TRAF5: variants seen among roughly 807,000 people sequenced by gnomAD.
TRAF5 encodes TNF receptor-associated factor 5.
TRAF5 carries 48 observed loss-of-function variants against 64.5 expected under a neutral mutation model. That is an observed-to-expected ratio of 0.74 (90% CI 0.59 to 0.95). The LOEUF (loss-of-function observed/expected upper bound fraction) is 0.95, where lower values mean the gene tolerates loss of function less well. TRAF5 is among the 40% of genes least tolerant of loss of function. TRAF5 has a pLI of 0.00. For missense variants in TRAF5, 545 were observed against 662.8 expected (o/e 0.82, Z 1.95); for synonymous variants, 206 against 240.5 (o/e 0.86, Z 1.33).
rs113398416 is a variant in TRAF5 at position 211,338,483 on chromosome 1, G to A, written c.-2+11594G>A. Among the ~76,000 whole-genome samples, 920 of 152,280 alleles carry A rather than the reference G, an allele frequency of 6.0e-3. 3 individuals are homozygous for A. The highest frequency in any genetic ancestry group is 0.021 in the African/African-American group (863 of 41,540). ...TAGGGCGCAGACTTTGCATGTGACCGGCACTGAATAAAGCTGGCTAGGAGG... is the reference window on the plus strand; with the variant it reads ...TAGGGCGCAGACTTTGCATGTGACCAGCACTGAATAAAGCTGGCTAGGAGG... On this transcript the variant is annotated intron_variant, in intron 1 of 10. Coordinates refer to ENST00000261464, the MANE Select transcript of TRAF5 (RefSeq NM_001033910.3).
At chr1:211,370,472 T>A (rs1041158950) in intron 9 of TRAF5, among the ~76,000 whole-genome samples, 2 of 152,152 alleles carry the variant, frequency 1.3e-5, no homozygotes, top group Admixed American at 1.3e-4. Flanking sequence ...TATGCACATG[T>A]GTATATACAT....
At chr1:211,361,016 C>T (rs1329316108) in intron 6 of TRAF5, 72 bp from the exon 7 acceptor site, 3 of 1,498,268 alleles carry the variant, frequency 2.0e-6, no homozygotes, top group Non-Finnish European at 2.8e-6. Flanking sequence ...CCAAGCCACT[C>T]TTGGCTCCCT....
rs1703587216 is a variant in TRAF5, at chr1:211,372,924, T to C, written c.*222T>C. On this transcript the variant is annotated 3_prime_UTR_variant, in exon 11 of 11. Coordinates refer to ENST00000261464, the MANE Select transcript of TRAF5 (RefSeq NM_001033910.3). ...TCTTAGAATATTCTCTTATTATTTA[T>C]ATTTTTATATTTCTTGAAAGATGGT... 2 of 392,782 alleles carry C rather than the reference T, an allele frequency of 5.1e-6. No homozygotes were observed. 24.3% of individuals were successfully genotyped at this position (392,782 alleles called of 1,614,324 possible).
chr1:211,342,503 T>TTTTAGTTATTTTTAAA (rs1225142113), intron 1 of TRAF5, among the ~76,000 whole-genome samples: 10 of 152,304 alleles, frequency 6.6e-5, no homozygotes, highest in Non-Finnish European at 1.5e-4. Flanking sequence ...ATCCCAATTC[T>TTTTAGTTATTTTTAAA]TTTAGTTATT....
intron 1 of TRAF5, among the ~76,000 whole-genome samples, chr1:211,335,993 G>T (rs1299438556): frequency 1.3e-5 from 2 of 151,812 alleles, no homozygotes; most frequent in Non-Finnish European, 1.5e-5. Flanking sequence ...TTTTTGCTGT[G>T]CAGTAAGGAA....
chr1:211,358,139 C>A (rs771750130), intron 4 of TRAF5: 3 of 152,176 alleles, frequency 2.0e-5, no homozygotes, highest in Non-Finnish European at 4.4e-5. Context: ...ACAATAACTG[C>A]AGTGATTCAA....
chr1:211,326,659 A>G (rs548982406), upstream of TRAF5: 7 of 985,090 alleles, frequency 7.1e-6, no homozygotes, highest in African/African-American at 1.2e-4. The surrounding 1 kb of genome is among the most constrained non-coding windows in gnomAD (Gnocchi z 5.0). Flanking sequence ...GTAGATACTA[A>G]CGGTTCTGAA....
At chr1:211,366,514 C>G (rs1703360153) in intron 8 of TRAF5, among the ~76,000 whole-genome samples, 1 of 152,190 alleles carries the variant, frequency 6.6e-6, no homozygotes, top group Admixed American at 6.5e-5. Context: ...CCTTGTAGGA[C>G]ATGCTGTAAC....
At chr1:211,356,763 C>G in intron 4 of TRAF5, 1 of 245,070 alleles carries the variant, frequency 4.1e-6, no homozygotes, top group Non-Finnish European at 8.0e-6. Context: ...ACATGCTGGA[C>G]AAAACAAACA....
At chr1:211,363,578 G>GA (rs1164598049) in intron 7 of TRAF5, among the ~76,000 whole-genome samples, 2 of 151,772 alleles carry the variant, frequency 1.3e-5, no homozygotes, top group East Asian at 1.9e-4. Context: ...AAAACCATTT[G>GA]AAAAAATGTA....
chr1:211,336,455 G>C (rs903328210), intron 1 of TRAF5, among the ~76,000 whole-genome samples: 1 of 152,202 alleles, frequency 6.6e-6, no homozygotes, highest in Admixed American at 6.5e-5. Context: ...CCTACCCCAG[G>C]TCAGCCATCA....
At chr1:211,355,163 A>C (rs1408232841) in intron 3 of TRAF5, among the ~76,000 whole-genome samples, 1 of 150,840 alleles carries the variant, frequency 6.6e-6, no homozygotes, top group Non-Finnish European at 1.5e-5. Context: ...ACAGAGCAAG[A>C]CTCTGTCTCA....
intron 7 of TRAF5, among the ~76,000 whole-genome samples, chr1:211,364,867 GAT>G (rs1703299083): frequency 6.6e-6 from 1 of 151,982 alleles, no homozygotes; most frequent in Admixed American, 6.6e-5. Context: ...CTGTCTCATG[GAT>G]ATTGTAGAAT....
At chr1:211,361,011 CCACT>C in intron 6 of TRAF5, 73 bp from the exon 7 acceptor site, 2 of 1,453,058 alleles carry the variant, frequency 1.4e-6, no homozygotes, top group Non-Finnish European at 1.9e-6. Context: ...TCTTCCCAAG[CCACT>C]CTTGGCTCCC....
At chr1:211,343,036 C>G (rs925912650) in intron 1 of TRAF5, among the ~76,000 whole-genome samples, 1 of 152,098 alleles carries the variant, frequency 6.6e-6, no homozygotes, top group African/African-American at 2.4e-5. Flanking sequence ...ATATGTAGTT[C>G]TGTGTTTAGT....
chr1:211,328,960 G>A (rs1702090395), intron 1 of TRAF5, among the ~76,000 whole-genome samples: 1 of 152,136 alleles, frequency 6.6e-6, no homozygotes, highest in Admixed American at 6.6e-5. Flanking sequence ...GCATTGAGGT[G>A]TCTTGTTCCC....
chr1:211,371,344 C>T lies in TRAF5; in HGVS notation c.973C>T (p.Gln325Ter), dbSNP rs1558149898. 1 of 1,608,738 alleles carries T rather than the reference C, an allele frequency of 6.2e-7. No individual in the cohort carries two copies. Among genetic ancestry groups the T allele is most frequent in the Admixed American group, 1.7e-5 (1 of 58,100 alleles). ...HIDKSAWLEAQVHQLLQMVNQ... is the reference protein window; with the variant it reads ...HIDKSAWLEA Reference sequence around the variant, plus strand: ...TGACAAGTCAGCTTGGCTAGAAGCTCAAGTGCATCAATTATTACAAATGGT... The same window carrying T: ...TGACAAGTCAGCTTGGCTAGAAGCTTAAGTGCATCAATTATTACAAATGGT... The change falls in exon 10 of 11, where the codon CAA becomes TAA. Residue 325 changes from glutamine (Q) to a stop codon, truncating the protein, a stop_gained. Transcript: ENST00000261464. LOFTEE classifies it high-confidence loss of function.
At chr1:211,358,811 T>TTG in intron 4 of TRAF5, 1 of 11,970 alleles carries the variant, frequency 8.4e-5, no homozygotes. Flanking sequence ...GTATATATAG[T>TTG]TATATATTAC....
At chr1:211,337,401 G>T (rs1702331276) in intron 1 of TRAF5, among the ~76,000 whole-genome samples, 1 of 152,180 alleles carries the variant, frequency 6.6e-6, no homozygotes, top group Non-Finnish European at 1.5e-5. Context: ...GAGTAGACAA[G>T]GGGGAAGGCA....
Sources: gnomAD v4.1 joint callset for allele counts (sites outside exome capture counted in the v4.1 genomes callset) on GRCh38, gnomAD v4.1.1 for gene constraint, Gnocchi (gnomAD v3.1) non-coding constraint, MANE v1.5 for transcripts, NCBI Gene and HGNC (gene_info 2026-07-23, HGNC 2026-07-21) for gene names.